The following ASTN2 variants were observed in gnomAD, a reference collection of about 807,000 sequenced individuals.
ASTN2 encodes the protein astrotactin 2.
ASTN2 carries 54 observed loss-of-function variants against 139.8 expected under a neutral mutation model. The ratio of observed to expected loss-of-function variants is 0.39; its 90% CI spans 0.31 to 0.48. The LOEUF is 0.48. ASTN2 is among the 20% of genes least tolerant of loss of function. The pLI is 0.95. For missense variants in ASTN2, 1,565 were observed against 1,725.1 expected, an observed-to-expected ratio of 0.91 and a Z score of 1.64; for synonymous variants, 756 against 719.5, an observed-to-expected ratio of 1.05 and a Z score of -0.81.
intron 2 of ASTN2, among the ~76,000 whole-genome samples, chr9:117,242,087 G>A (rs1833232631): frequency 7.3e-6 from 1 of 136,216 alleles, no homozygotes; most frequent in East Asian, 2.2e-4. Context: ...GCCTAGATAT[G>A]GACTTGGGCT....
At chr9:116,685,062 G>T (rs1056775635) in intron 16 of ASTN2, among the ~76,000 whole-genome samples, 4 of 152,124 alleles carry the variant, frequency 2.6e-5, no homozygotes, top group Non-Finnish European at 4.4e-5. Flanking sequence ...TAGAAATTGC[G>T]GTTTAGGAGT....
At chr9:117,374,189 G>A (rs1830060191) in intron 1 of ASTN2, among the ~76,000 whole-genome samples, 1 of 151,958 alleles carries the variant, frequency 6.6e-6, no homozygotes, top group Non-Finnish European at 1.5e-5. Flanking sequence ...CTTAGGATGG[G>A]GAAGCAAATC....
At chr9:117,226,107 A>G (rs950698525) in intron 2 of ASTN2, among the ~76,000 whole-genome samples, 1 of 152,214 alleles carries the variant, frequency 6.6e-6, no homozygotes, top group Non-Finnish European at 1.5e-5. Context: ...AAGTGAGGAT[A>G]AAAAAGATTT....
intron 3 of ASTN2, among the ~76,000 whole-genome samples, chr9:117,177,110 C>T (rs1413409): frequency 0.24 from 35,908 of 152,018 alleles, 4,922 homozygotes; most frequent in Middle Eastern, 0.37. Context: ...TTTTTGAGGA[C>T]AATGTTCCTA....
intron 1 of ASTN2, among the ~76,000 whole-genome samples, chr9:117,376,017 C>T (rs896419619): frequency 6.6e-6 from 1 of 152,176 alleles, no homozygotes; most frequent in African/African-American, 2.4e-5. Context: ...ACAGTGATTA[C>T]ATAGGGCCCA....
rs568571102 is a variant in ASTN2 at position 117,207,350 on chromosome 9, C to T, written c.1015+7008G>A. Among the ~76,000 whole-genome samples, 7 of 152,282 alleles carry T rather than the reference C, an allele frequency of 4.6e-5. No individual in the cohort carries two copies. The South Asian group carries it at 1.5e-3, about 32-fold the overall frequency. ...CGTGGGCCTGACAAACAGCCCTGTA[C>T]CCACCCATGGTAGCCATGCCCACCC... On this transcript the variant is annotated intron_variant, in intron 3 of 22. Coordinates refer to ENST00000313400, the MANE Select transcript of ASTN2 (RefSeq NM_001365068.1).
intron 3 of ASTN2, chr9:117,181,079 G>T: frequency 8.2e-7 from 1 of 1,219,756 alleles, no homozygotes; most frequent in Admixed American, 1.7e-5. Context: ...TGTTTCCATG[G>T]TCCCTTAAAG....
At chr9:117,190,123 G>C (rs1427913629) in intron 3 of ASTN2, among the ~76,000 whole-genome samples, 1 of 152,166 alleles carries the variant, frequency 6.6e-6, no homozygotes, top group Non-Finnish European at 1.5e-5. Flanking sequence ...GAAGTAGAGA[G>C]AGCAGCCCTT....
At position 116,497,764 on chromosome 9, in the gene ASTN2, C is replaced by G. The variant is rs551968706; in HGVS notation, c.3356-10264G>C. Among the ~76,000 whole-genome samples the G allele has an allele frequency of 8.0e-4, 122 of 152,242 alleles. 2 individuals carry two copies. The highest frequency in any genetic ancestry group is 4.0e-3 in the Admixed American group (61 of 15,280). ...GAAGGAAGGCCAAGTTCTCCTCCCC[C>G]CCAATCACTCTTTAAGGACCACAGT... On this transcript the variant is annotated intron_variant, in intron 19 of 22. Transcript: ENST00000313400.
At chr9:116,779,159 A>G (rs1403535353) in intron 13 of ASTN2, among the ~76,000 whole-genome samples, 1 of 152,108 alleles carries the variant, frequency 6.6e-6, no homozygotes, top group Non-Finnish European at 1.5e-5. Flanking sequence ...CCCAAAACTC[A>G]TGTGTTGCAA....
intron 3 of ASTN2, among the ~76,000 whole-genome samples, chr9:117,188,590 G>T (rs1258526210): frequency 1.3e-5 from 2 of 152,156 alleles, no homozygotes; most frequent in Non-Finnish European, 2.9e-5. Flanking sequence ...GAACTCTTCA[G>T]AAACCAAGCT....
At chr9:117,265,621 A>T (rs1266967579) in intron 2 of ASTN2, among the ~76,000 whole-genome samples, 1 of 152,218 alleles carries the variant, frequency 6.6e-6, no homozygotes, top group African/African-American at 2.4e-5. Context: ...TCCGGCCTAA[A>T]TCTGCCAACC....
At chr9:116,769,440 G>A (rs1275211714) in intron 13 of ASTN2, among the ~76,000 whole-genome samples, 1 of 152,190 alleles carries the variant, frequency 6.6e-6, no homozygotes, top group Non-Finnish European at 1.5e-5. Context: ...AAGGCTGGCT[G>A]TGAATGGAAG....
chr9:116,727,722 T>C (rs894222042), intron 15 of ASTN2, among the ~76,000 whole-genome samples: 1 of 152,092 alleles, frequency 6.6e-6, no homozygotes. Context: ...TGCAATCAAA[T>C]CCTTGATTCA....
chr9:117,106,099 A>G (rs1829095534), intron 4 of ASTN2, among the ~76,000 whole-genome samples: 1 of 152,240 alleles, frequency 6.6e-6, no homozygotes, highest in Admixed American at 6.5e-5. Flanking sequence ...TCCACTTTCT[A>G]GATTCCGTCC....
intron 10 of ASTN2, among the ~76,000 whole-genome samples, chr9:116,949,606 T>C (rs1400563116): frequency 3.9e-5 from 6 of 152,310 alleles, no homozygotes; most frequent in African/African-American, 1.2e-4. Context: ...GAGACTATGA[T>C]TGTGACTTTT....
At chr9:117,359,947 G>T (rs1829647611) in intron 1 of ASTN2, among the ~76,000 whole-genome samples, 1 of 152,190 alleles carries the variant, frequency 6.6e-6, no homozygotes, top group Admixed American at 6.5e-5. Flanking sequence ...TCAGATGGCG[G>T]TGAACATCGG....
intron 11 of ASTN2, among the ~76,000 whole-genome samples, chr9:116,841,346 C>G (rs976916747): frequency 6.6e-6 from 1 of 152,146 alleles, no homozygotes; most frequent in East Asian, 1.9e-4. Context: ...AGCTTCGGCT[C>G]GGCATGAGAG....
intron 5 of ASTN2, among the ~76,000 whole-genome samples, chr9:117,066,858 T>G (rs1264145085): frequency 7.3e-6 from 1 of 137,026 alleles, no homozygotes; most frequent in African/African-American, 2.8e-5. Context: ...GGGTTGTTTG[T>G]TTTTTTCTTG....
Sources: gnomAD v4.1 joint callset for allele counts (sites outside exome capture counted in the v4.1 genomes callset) on GRCh38, gnomAD v4.1.1 for gene constraint, MANE v1.5 for transcripts, NCBI Gene and HGNC (gene_info 2026-07-23, HGNC 2026-07-21) for gene names.